DNER: variants seen among roughly 807,000 people sequenced by gnomAD.
DNER encodes the protein delta/notch like EGF repeat containing, also known as delta and Notch-like epidermal growth factor-related receptor.
DNER carries 33 observed loss-of-function variants against 78.2 expected under a neutral mutation model. The observed-to-expected ratio is 0.42, with a 90% CI of 0.32 to 0.56. DNER has a LOEUF of 0.56. Ranked by LOEUF, DNER falls within the 20% of genes least tolerant of loss-of-function variation. The pLI is 0.11. For missense variants in DNER, 918 were observed against 975.3 expected (o/e 0.94, Z 0.78); for synonymous variants, 417 against 384.8 (o/e 1.08, Z -0.98).
intron 8 of DNER, among the ~76,000 whole-genome samples, chr2:229,440,263 C>A (rs527808519): frequency 6.6e-6 from 1 of 152,298 alleles, no homozygotes; most frequent in East Asian, 1.9e-4. Context: ...TACAATCAAA[C>A]AAGATGAAGA....
intron 1 of DNER, among the ~76,000 whole-genome samples, chr2:229,625,669 A>G (rs554651140): frequency 2.0e-5 from 3 of 152,346 alleles, no homozygotes; most frequent in Non-Finnish European, 2.9e-5. Context: ...TAATTATGGA[A>G]GAAATGAATG....
rs115491861 is a variant in DNER at position 229,423,171 on chromosome 2, C to A, written c.1487-4941G>T. Among the ~76,000 whole-genome samples the A allele has an allele frequency of 2.0e-3, 304 of 152,168 alleles. 2 individuals are homozygous for A. The highest frequency in any genetic ancestry group is 0.017 in the Middle Eastern group (5 of 294). Reference sequence around the variant, plus strand: ...GGCAAAGTTATTAAATATTGCAATGCCCTGGATATTCCTGCACAACAAAGA... The same window carrying A: ...GGCAAAGTTATTAAATATTGCAATGACCTGGATATTCCTGCACAACAAAGA... On this transcript the variant is annotated intron_variant, in intron 8 of 12. Transcript: ENST00000341772.
At chr2:229,370,941 A>G (rs972596446) in intron 11 of DNER, among the ~76,000 whole-genome samples, 2 of 152,194 alleles carry the variant, frequency 1.3e-5, no homozygotes, top group Non-Finnish European at 2.9e-5. Context: ...AAAAACAACC[A>G]TACTGGGCTA....
intron 5 of DNER, among the ~76,000 whole-genome samples, chr2:229,544,482 A>G (rs74617705): frequency 0.057 from 8,733 of 152,028 alleles, 827 homozygotes; most frequent in African/African-American, 0.19. Context: ...TATCCTACAG[A>G]AAAATGTTAT....
intron 1 of DNER, among the ~76,000 whole-genome samples, chr2:229,619,610 G>C (rs114343235): frequency 3.3e-5 from 5 of 152,182 alleles, no homozygotes; most frequent in Non-Finnish European, 5.9e-5. Flanking sequence ...AGTTACAACA[G>C]AGAGGGTAAA....
intron 4 of DNER, among the ~76,000 whole-genome samples, chr2:229,554,949 GGGA>G: frequency 1.8e-5 from 2 of 112,570 alleles, no homozygotes; most frequent in African/African-American, 7.3e-5. Context: ...GAAAAGGGAA[GGGA>G]AGGGAAGGGA....
rs569725304 is a variant in DNER at position 229,490,867 on chromosome 2, C to G, written c.1148-13614G>C. 4.6e-5 allele frequency among the ~76,000 whole-genome samples: 7 copies of G among 152,354 alleles called. No individual in the cohort carries two copies. In the East Asian group the frequency reaches 9.6e-4, roughly 21 times the overall value. The stretch of plus-strand genomic sequence containing the variant: ...CAAAGACATCCCAAATCCAAAACGT[C>G]TCACTACTTCCAGCACCACAGTGGT... On this transcript the variant is annotated intron_variant, in intron 6 of 12. Coordinates refer to ENST00000341772, the MANE Select transcript of DNER (RefSeq NM_139072.4).
intron 1 of DNER, among the ~76,000 whole-genome samples, chr2:229,619,979 G>A (rs762689720): frequency 1.3e-5 from 2 of 152,190 alleles, no homozygotes; most frequent in Non-Finnish European, 2.9e-5. Flanking sequence ...GTGAAATCAA[G>A]CAATTAAGTA....
chr2:229,627,713 C>G (rs551231787), intron 1 of DNER, among the ~76,000 whole-genome samples: 1 of 152,234 alleles, frequency 6.6e-6, no homozygotes, highest in African/African-American at 2.4e-5. Flanking sequence ...CAAGCTGTGA[C>G]CAGCAAGTTT....
At chr2:229,566,352 A>G (rs1697107994) in intron 4 of DNER, among the ~76,000 whole-genome samples, 1 of 152,206 alleles carries the variant, frequency 6.6e-6, no homozygotes, top group African/African-American at 2.4e-5. Flanking sequence ...GTGTTCAATG[A>G]GATTTCTCAT....
intron 6 of DNER, among the ~76,000 whole-genome samples, chr2:229,501,593 C>T (rs6736466): frequency 0.12 from 18,912 of 152,092 alleles, 1,299 homozygotes; most frequent in South Asian, 0.2. Flanking sequence ...GACAACAATC[C>T]TTCTGTGAAG....
intron 9 of DNER, among the ~76,000 whole-genome samples, chr2:229,416,514 C>T (rs1693654713): frequency 6.6e-6 from 1 of 152,050 alleles, no homozygotes. Context: ...GTTCTCAAGG[C>T]CACAAAAAAT....
At chr2:229,702,916 CAA>C (rs775005338) in intron 1 of DNER, among the ~76,000 whole-genome samples, 50 of 103,882 alleles carry the variant, frequency 4.8e-4, no homozygotes, top group African/African-American at 1.6e-3. Flanking sequence ...GACTCCGCCT[CAA>C]AAAAAAAAAA....
At chr2:229,654,641 C>T (rs1233026135) in intron 1 of DNER, among the ~76,000 whole-genome samples, 3 of 152,252 alleles carry the variant, frequency 2.0e-5, no homozygotes, top group South Asian at 2.1e-4. Flanking sequence ...CTCTGGCCTT[C>T]GGGCACTGCC....
intron 6 of DNER, among the ~76,000 whole-genome samples, chr2:229,506,920 T>C (rs1430826429): frequency 6.6e-6 from 1 of 152,212 alleles, no homozygotes; most frequent in South Asian, 2.1e-4. Context: ...AAACGTGTTG[T>C]TAGGTGATTT....
At chr2:229,512,961 T>G (rs1360377502) in intron 5 of DNER, 25 bp from the exon 6 acceptor site, 8 of 1,609,364 alleles carry the variant, frequency 5.0e-6, no homozygotes, top group Non-Finnish European at 6.8e-6. Flanking sequence ...AAGCACAGTG[T>G]CTATTACCTG....
At chr2:229,460,707 T>C (rs183183774) in intron 7 of DNER, among the ~76,000 whole-genome samples, 301 of 152,208 alleles carry the variant, frequency 2.0e-3, no homozygotes, top group Middle Eastern at 0.01. Flanking sequence ...AGACCAGACG[T>C]TGGTTGATTG....
chr2:229,533,819 G>GCAAAATAAGC (rs1303072251), intron 5 of DNER, among the ~76,000 whole-genome samples: 1 of 152,190 alleles, frequency 6.6e-6, no homozygotes, highest in Non-Finnish European at 1.5e-5. Context: ...AAATAAGCAA[G>GCAAAATAAGC]AGTTTTTGTT....
At chr2:229,615,223 C>T (rs1326689386) in intron 1 of DNER, among the ~76,000 whole-genome samples, 2 of 150,308 alleles carry the variant, frequency 1.3e-5, no homozygotes, top group South Asian at 2.1e-4. Context: ...ACCAGCCTGA[C>T]CAACATGGAG....
Sources: allele counts gnomAD v4.1 joint callset (sites outside exome capture counted in the v4.1 genomes callset), GRCh38; gene constraint gnomAD v4.1.1; transcripts MANE v1.5; gene names NCBI Gene and HGNC (gene_info 2026-07-23, HGNC 2026-07-21).